The following NR6A1 variants were observed in gnomAD, a reference collection of about 807,000 sequenced individuals.
NR6A1 encodes retinoic acid receptor-related testis-associated receptor.
NR6A1 carries 7 observed loss-of-function variants against 59.1 expected under a neutral mutation model. That is an observed-to-expected ratio of 0.12 (90% CI 0.07 to 0.22). The LOEUF (loss-of-function observed/expected upper bound fraction) is 0.22, where lower values mean the gene tolerates loss of function less well. Ranked by LOEUF, NR6A1 falls within the 10% of genes least tolerant of loss-of-function variation. NR6A1 has a pLI of 1.00. For synonymous variants in NR6A1, 243 were observed against 236.1 expected, an observed-to-expected ratio of 1.03 and a Z score of -0.27; for missense variants, 468 against 611.6, an observed-to-expected ratio of 0.77 and a Z score of 2.48.
At chr9:124,659,052 A>G (rs1837343346) in intron 2 of NR6A1, among the ~76,000 whole-genome samples, 2 of 152,242 alleles carry the variant, frequency 1.3e-5, no homozygotes, top group Non-Finnish European at 2.9e-5. Flanking sequence ...AGAAATTCAC[A>G]AGAAATAAAC....
At chr9:124,758,836 A>AC (rs1840709411) in intron 1 of NR6A1, among the ~76,000 whole-genome samples, 1 of 152,240 alleles carries the variant, frequency 6.6e-6, no homozygotes, top group Non-Finnish European at 1.5e-5. Context: ...GGCAGTCAGT[A>AC]CCACAGCTAT....
Position 124,706,690 on chromosome 9 carries a change from G to C in NR6A1, c.142+26618C>G, listed in dbSNP as rs137892448. On this transcript the variant is annotated intron_variant, in intron 2 of 9. Coordinates refer to ENST00000487099, the MANE Select transcript of NR6A1 (RefSeq NM_033334.4). Reference sequence around the variant, plus strand: ...TGCGCCACCACACCAGCTAATTTTTGTATTTTTAGTGGAGAGGGGGTTTCA... The same window carrying C: ...TGCGCCACCACACCAGCTAATTTTTCTATTTTTAGTGGAGAGGGGGTTTCA... Among the ~76,000 whole-genome samples, 702 of 152,108 alleles carry C rather than the reference G, an allele frequency of 4.6e-3. 6 individuals carry two copies. Among genetic ancestry groups the C allele is most frequent in the African/African-American group, 0.016 (656 of 41,496 alleles).
chr9:124,591,334 T>C (rs1835118352), intron 2 of NR6A1, among the ~76,000 whole-genome samples: 1 of 152,254 alleles, frequency 6.6e-6, no homozygotes, highest in Non-Finnish European at 1.5e-5. Context: ...TACTATCCTC[T>C]GTTGCATATA....
chr9:124,770,779 G>C (rs890081444), intron 1 of NR6A1, among the ~76,000 whole-genome samples: 7 of 150,352 alleles, frequency 4.7e-5, no homozygotes, highest in Non-Finnish European at 8.9e-5. Context: ...CAGGGACCCG[G>C]GCAGGGGGAG....
chr9:124,630,062 C>T (rs1313278397), intron 2 of NR6A1, among the ~76,000 whole-genome samples: 1 of 152,092 alleles, frequency 6.6e-6, no homozygotes, highest in Non-Finnish European at 1.5e-5. Flanking sequence ...AATAAAACCT[C>T]AAAATGACAG....
intron 1 of NR6A1, among the ~76,000 whole-genome samples, chr9:124,738,268 C>T (rs1840069966): frequency 6.6e-6 from 1 of 151,942 alleles, no homozygotes; most frequent in African/African-American, 2.4e-5. Context: ...CAAAACAAAA[C>T]AAAAAGAAAA....
At chr9:124,675,154 A>G (rs1837917058) in intron 2 of NR6A1, among the ~76,000 whole-genome samples, 1 of 152,234 alleles carries the variant, frequency 6.6e-6, no homozygotes, top group Non-Finnish European at 1.5e-5. Context: ...AAGCAAGTAA[A>G]CATTCTTTAG....
At position 124,573,863 on chromosome 9, in the gene NR6A1, C is replaced by A. The variant is rs927076405; in HGVS notation, c.143-19293G>T. Among the ~76,000 whole-genome samples, 9 of 152,224 alleles carry A rather than the reference C, an allele frequency of 5.9e-5. No individual in the cohort carries two copies. In the East Asian group the frequency reaches 1.7e-3, roughly 29 times the overall value. Reference sequence around the variant, plus strand: ...ATACACATGCATGCTTTGGTATATACATGGATAAAACTTTGGAAGCAAATT... The same window carrying A: ...ATACACATGCATGCTTTGGTATATAAATGGATAAAACTTTGGAAGCAAATT... On this transcript the variant is annotated intron_variant, in intron 2 of 9. Coordinates refer to ENST00000487099, the MANE Select transcript of NR6A1 (RefSeq NM_033334.4).
chr9:124,585,003 CA>C (rs1431824530), intron 2 of NR6A1, among the ~76,000 whole-genome samples: 1 of 152,198 alleles, frequency 6.6e-6, no homozygotes, highest in African/African-American at 2.4e-5. Flanking sequence ...GAAAGAAAAA[CA>C]GCCTTATTGC....
At chr9:124,769,972 A>G (rs1841067403) in intron 1 of NR6A1, among the ~76,000 whole-genome samples, 1 of 152,130 alleles carries the variant, frequency 6.6e-6, no homozygotes, top group Admixed American at 6.5e-5. Context: ...TACAAATAAA[A>G]CACCCCGCAG....
At chr9:124,712,068 G>A (rs1221650218) in intron 2 of NR6A1, among the ~76,000 whole-genome samples, 2 of 152,040 alleles carry the variant, frequency 1.3e-5, no homozygotes, top group Admixed American at 1.3e-4. Context: ...TCCCTCTTTG[G>A]TTAGGGCCTG....
chr9:124,527,193 C>T (rs750159391), intron 7 of NR6A1, among the ~76,000 whole-genome samples: 4 of 152,172 alleles, frequency 2.6e-5, no homozygotes, highest in Non-Finnish European at 5.9e-5. Context: ...TTGAGGTCCT[C>T]CTCTGCAAAA....
intron 3 of NR6A1, among the ~76,000 whole-genome samples, chr9:124,548,562 C>T (rs150697163): frequency 4.0e-4 from 61 of 152,198 alleles, no homozygotes; most frequent in Non-Finnish European, 5.6e-4. Context: ...GTAAGGAACA[C>T]GAACTTTGAT....
intron 2 of NR6A1, among the ~76,000 whole-genome samples, chr9:124,704,757 G>T (rs1393612106): frequency 6.6e-6 from 1 of 151,596 alleles, no homozygotes; most frequent in Non-Finnish European, 1.5e-5. Context: ...GTGTGGGGGG[G>T]AAGACAGGGT....
At chr9:124,680,200 A>G (rs1482914342) in intron 2 of NR6A1, among the ~76,000 whole-genome samples, 1 of 152,068 alleles carries the variant, frequency 6.6e-6, no homozygotes, top group South Asian at 2.1e-4. Flanking sequence ...ACAAATAGCT[A>G]CTAAATGCTG....
chr9:124,747,437 T>G (rs1454827408), intron 1 of NR6A1, among the ~76,000 whole-genome samples: 2 of 152,078 alleles, frequency 1.3e-5, no homozygotes. Context: ...CATCCTAGGT[T>G]GGATGGTCTC....
chr9:124,660,349 G>T (rs1198884294), intron 2 of NR6A1, among the ~76,000 whole-genome samples: 1 of 152,204 alleles, frequency 6.6e-6, no homozygotes, highest in Admixed American at 6.5e-5. Flanking sequence ...TACCACAAAG[G>T]ATGTTAGTGG....
At chr9:124,706,365 T>C (rs1007822993) in intron 2 of NR6A1, among the ~76,000 whole-genome samples, 1 of 152,226 alleles carries the variant, frequency 6.6e-6, no homozygotes, top group Non-Finnish European at 1.5e-5. Flanking sequence ...TCTTATGGAT[T>C]TGAGTTACCA....
chr9:124,696,679 C>T (rs571248312), intron 2 of NR6A1, among the ~76,000 whole-genome samples: 9 of 151,828 alleles, frequency 5.9e-5, no homozygotes, highest in Non-Finnish European at 1.0e-4. Context: ...CTCACCACCA[C>T]GCCTGGCTAA....
Sources: gnomAD v4.1 joint callset for allele counts (sites outside exome capture counted in the v4.1 genomes callset) on GRCh38, gnomAD v4.1.1 for gene constraint, MANE v1.5 for transcripts, NCBI Gene and HGNC (gene_info 2026-07-23, HGNC 2026-07-21) for gene names.